IRAK4: variants seen among roughly 807,000 people sequenced by gnomAD.
IRAK4 encodes interleukin-1 receptor-associated kinase 4.
A neutral mutation model predicts 51.8 loss-of-function variants in IRAK4; 44 were observed. That is an observed-to-expected ratio of 0.85 (90% confidence interval 0.67 to 1.09). The LOEUF is 1.09. IRAK4 is among the 50% of genes least tolerant of loss of function. The pLI, the probability that IRAK4 is intolerant of heterozygous loss-of-function variation, is 0.00. For missense variants in IRAK4, 487 were observed against 538.0 expected, an observed-to-expected ratio of 0.91 and a Z score of 0.94; for synonymous variants, 149 against 174.1, an observed-to-expected ratio of 0.86 and a Z score of 1.13.
intron 8 of IRAK4, 69 bp downstream of exon 8, chr12:43,778,371 CG>C (rs1204805057): frequency 1.2e-6 from 1 of 852,364 alleles, no homozygotes; most frequent in East Asian, 2.5e-5. Context: ...ACTCTATTCA[CG>C]ATTCATATGC....
chr12:43,783,072 T>C (rs796673311), intron 9 of IRAK4, among the ~76,000 whole-genome samples: 1 of 152,076 alleles, frequency 6.6e-6, no homozygotes, highest in Non-Finnish European at 1.5e-5. Flanking sequence ...TTAGAACATA[T>C]GTTGAGTGGG....
At chr12:43,772,742 C>T (rs547802288) in intron 4 of IRAK4, among the ~76,000 whole-genome samples, 170 bp from the exon 5 acceptor site, 1 of 152,244 alleles carries the variant, frequency 6.6e-6, no homozygotes, top group Non-Finnish European at 1.5e-5. Flanking sequence ...AAACAGAGTT[C>T]TCAAGAAAAA....
At position 43,768,103 on chromosome 12, in the gene IRAK4, G is replaced by A; in HGVS notation, c.-9G>A. 6.2e-7 allele frequency: 1 copy of A among 1,611,310 alleles called. No homozygotes were observed. The highest frequency in any genetic ancestry group is 8.5e-7 in the Non-Finnish European group (1 of 1,177,972). On this transcript the variant is annotated splice_region_variant and 5_prime_UTR_variant, in exon 2 of 12. Transcript: ENST00000613694. ...TTAATGAGATTTTTCCATATTTTAG[G>A]AATAGAAGATGAACAAACCCATAAC...
chr12:43,767,092 A>G (rs1940229639), intron 1 of IRAK4, among the ~76,000 whole-genome samples: 1 of 152,216 alleles, frequency 6.6e-6, no homozygotes, highest in Admixed American at 6.5e-5. Context: ...ATATGAACAC[A>G]TTATTTACTC....
chr12:43,780,313 G>A (rs1424590140), intron 8 of IRAK4, among the ~76,000 whole-genome samples: 2 of 152,132 alleles, frequency 1.3e-5, no homozygotes, highest in African/African-American at 2.4e-5. Flanking sequence ...AAATAGATAA[G>A]TCATTCAGGA....
At chr12:43,762,957 T>C (rs1277315728) in intron 1 of IRAK4, among the ~76,000 whole-genome samples, 3 of 152,250 alleles carry the variant, frequency 2.0e-5, no homozygotes, top group Non-Finnish European at 4.4e-5. Context: ...TATTCAAGGC[T>C]GATTTCTTCA....
intron 6 of IRAK4, among the ~76,000 whole-genome samples, chr12:43,775,756 A>G (rs927981831): frequency 1.6e-4 from 25 of 152,220 alleles, no homozygotes; most frequent in Admixed American, 9.8e-4. Flanking sequence ...GTAGGAATGC[A>G]TGAACTTTTT....
intron 1 of IRAK4, among the ~76,000 whole-genome samples, chr12:43,759,830 T>C (rs1939269202): frequency 7.5e-6 from 1 of 133,082 alleles, no homozygotes; most frequent in Non-Finnish European, 1.5e-5. Context: ...ATCGTGCCAC[T>C]ACACTCCAGC....
intron 1 of IRAK4, chr12:43,760,886 T>G (rs976958573): frequency 6.6e-6 from 1 of 151,332 alleles, no homozygotes; most frequent in African/African-American, 2.4e-5. Flanking sequence ...GGTTTTGTTT[T>G]GTTTTTTTTC....
rs371760960 is a variant in IRAK4 at position 43,774,369 on chromosome 12, C to T, written c.716+340C>T. Among the ~76,000 whole-genome samples the T allele has an allele frequency of 1.8e-4, 28 of 152,214 alleles. No homozygotes were observed. The East Asian group carries it at 2.7e-3, about 15-fold the overall frequency. ...AAGCGATTCTCCTGCCTCAGCCTCC[C>T]GAGTAGCTGGACCTACAGGCGTGTG... On this transcript the variant is annotated intron_variant, in intron 6 of 11. Coordinates refer to ENST00000613694, the MANE Select transcript of IRAK4 (RefSeq NM_016123.4).
In IRAK4 at chr12:43,772,299, C is replaced by A. The variant is rs773476797; in HGVS notation, c.427C>A (p.Gln143Lys). The change falls in exon 4 of 12, where the codon CAA becomes AAA. Residue 143 changes from glutamine (Q) to lysine (K), a missense_variant. Physicochemically the swap from Gln to Lys is moderately conservative, Grantham distance 53. Coordinates refer to ENST00000613694, the MANE Select transcript of IRAK4 (RefSeq NM_016123.4). ...TLMTPVQNLE[Q>K]SYMPPDSSSP... is the part of the protein sequence containing the mutation. ...GATGACACCTGTGCAGAATCTTGAA[C>A]AAAGCTATATGCCACCTGACTCCTC... 10 of 1,613,684 alleles carry A rather than the reference C, an allele frequency of 6.2e-6. No homozygotes were observed. In the African/African-American group the frequency reaches 1.1e-4, roughly 17 times the overall value.
intron 1 of IRAK4, among the ~76,000 whole-genome samples, chr12:43,760,535 C>T (rs1193866231): frequency 2.0e-5 from 3 of 152,210 alleles, no homozygotes; most frequent in African/African-American, 7.2e-5. Flanking sequence ...CCTTTCTGAC[C>T]TCATCTGCTA....
intron 1 of IRAK4, among the ~76,000 whole-genome samples, chr12:43,761,449 GA>G (rs1939545606): frequency 6.6e-6 from 1 of 151,632 alleles, no homozygotes; most frequent in Non-Finnish European, 1.5e-5. Context: ...TTTCTGCCAG[GA>G]AATAATAATT....
rs1268986203 is a variant in IRAK4, at chr12:43,786,835, G to A, written c.*120G>A. 1.2e-6 allele frequency: 1 copy of A among 851,642 alleles called. No homozygotes were observed. Among genetic ancestry groups the A allele is most frequent in the African/African-American group, 1.7e-5 (1 of 58,420 alleles). 52.8% of individuals were successfully genotyped at this position (851,642 alleles called of 1,614,324 possible). On this transcript the variant is annotated 3_prime_UTR_variant, in exon 12 of 12. Transcript: ENST00000613694. ...ACAAGGCATAGGCTGTTGCAGGACA[G>A]TGGTTATTAAAGCATGGGTTGAACT...
chr12:43,773,111 T>C lies in IRAK4; in HGVS notation c.651+39T>C, dbSNP rs374504774. On this transcript the variant is annotated intron_variant, in intron 5 of 11. Coordinates refer to ENST00000613694, the MANE Select transcript of IRAK4 (RefSeq NM_016123.4). ...TCAGGAATAAAAAGAAAGAGTTGCTTCATAGTGTGCCCTATAATAGGTTTT... is the reference window on the plus strand; with the variant it reads ...TCAGGAATAAAAAGAAAGAGTTGCTCCATAGTGTGCCCTATAATAGGTTTT... The C allele has an allele frequency of 5.7e-6, 9 of 1,567,216 alleles. No individual in the cohort carries two copies. In the South Asian group the frequency reaches 7.8e-5, roughly 14 times the overall value.
intron 6 of IRAK4, among the ~76,000 whole-genome samples, chr12:43,775,622 A>C (rs1201659812): frequency 6.6e-6 from 1 of 152,170 alleles, no homozygotes; most frequent in East Asian, 1.9e-4. Context: ...AACCATAGCT[A>C]GGTTTGTTTC....
chr12:43,776,198 G>C (rs908423687), intron 6 of IRAK4, among the ~76,000 whole-genome samples: 10 of 152,230 alleles, frequency 6.6e-5, no homozygotes, highest in African/African-American at 2.4e-4. Flanking sequence ...ATAAGTGCCA[G>C]TCTCTGGATC....
At position 43,782,421 on chromosome 12, in the gene IRAK4, AGCTTATATG is replaced by A; in HGVS notation, c.1059_1067del (p.Tyr354_Ala356del). 6.2e-7 allele frequency: 1 copy of A among 1,614,006 alleles called. No homozygotes were observed. The highest frequency in any genetic ancestry group is 8.5e-7 in the Non-Finnish European group (1 of 1,179,882). On this transcript the variant is annotated inframe_deletion, in exon 9 of 12. Transcript: ENST00000613694. The stretch of plus-strand genomic sequence containing the variant: ...TGACTAGCAGAATTGTGGGAACAAC[AGCTTATATG>A]GCACCAGAAGCTTTGCGTGGAGAAA...
At chr12:43,786,134 A>G (rs1942194458) in intron 10 of IRAK4, among the ~76,000 whole-genome samples, 1 of 151,560 alleles carries the variant, frequency 6.6e-6, no homozygotes, top group Non-Finnish European at 1.5e-5. Flanking sequence ...CCTGGGTTCA[A>G]ACGATTCTCC....
Sources: gnomAD v4.1 joint callset for allele counts (sites outside exome capture counted in the v4.1 genomes callset) on GRCh38, gnomAD v4.1.1 for gene constraint, MANE v1.5 for transcripts, NCBI Gene and HGNC (gene_info 2026-07-23, HGNC 2026-07-21) for gene names.